Variants in SLC24A2 observed in about 807,000 individuals in gnomAD.
The protein encoded by SLC24A2 is sodium/potassium/calcium exchanger 2.
SLC24A2 carries 36 observed loss-of-function variants against 62.0 expected under a neutral mutation model. That is an observed-to-expected ratio of 0.58 (90% CI 0.44 to 0.77). The LOEUF is 0.77. Among genes scored for constraint, SLC24A2 ranks in the 30% least tolerant of loss-of-function variants. The pLI, the probability that SLC24A2 is intolerant of heterozygous loss-of-function variation, is 0.00. For missense variants in SLC24A2, 846 were observed against 817.9 expected (o/e 1.03, Z -0.42); for synonymous variants, 358 against 294.0 (o/e 1.22, Z -2.23).
At chr9:19,518,160 TATCTCTAATA>T (rs1412342299) in intron 10 of SLC24A2, among the ~76,000 whole-genome samples, 1 of 152,128 alleles carries the variant, frequency 6.6e-6, no homozygotes, top group East Asian at 1.9e-4. Context: ...AAAAGCTGAG[TATCTCTAATA>T]ATCTCTAATA....
intron 8 of SLC24A2, among the ~76,000 whole-genome samples, chr9:19,541,789 G>C (rs1253488025): frequency 6.7e-6 from 1 of 148,962 alleles, no homozygotes; most frequent in Non-Finnish European, 1.5e-5. Flanking sequence ...GCAATGGCGG[G>C]CGCCCCTCCC....
At chr9:19,824,104 A>T in the SLC24A2 span, among the ~76,000 whole-genome samples, 1 of 152,222 alleles carries the variant, frequency 6.6e-6, no homozygotes, top group East Asian at 1.9e-4. Flanking sequence ...TTCAGGACAT[A>T]GGCACGGACA....
At chr9:20,030,108 T>C in the SLC24A2 span, among the ~76,000 whole-genome samples, 2 of 152,160 alleles carry the variant, frequency 1.3e-5, no homozygotes, top group South Asian at 4.1e-4. Flanking sequence ...GAGCAGCATA[T>C]GCAAAGGCAT....
At chr9:20,197,063 G>A in the SLC24A2 span, among the ~76,000 whole-genome samples, 1 of 152,126 alleles carries the variant, frequency 6.6e-6, no homozygotes, top group Non-Finnish European at 1.5e-5. Context: ...GGATTAGGTT[G>A]TCTCTGTTTT....
chr9:19,780,597 A>G (rs1347997221), intron 2 of SLC24A2, among the ~76,000 whole-genome samples: 4 of 151,746 alleles, frequency 2.6e-5, no homozygotes, highest in Non-Finnish European at 5.9e-5. Context: ...GCAAGCATCA[A>G]GATAATAGAA....
intron 4 of SLC24A2, among the ~76,000 whole-genome samples, chr9:19,613,370 G>A (rs1170936870): frequency 1.3e-5 from 2 of 152,214 alleles, no homozygotes; most frequent in South Asian, 4.1e-4. Context: ...AGAAGCTTTA[G>A]AAGCAGTTCA....
the SLC24A2 span, among the ~76,000 whole-genome samples, chr9:20,271,597 C>T: frequency 3.3e-5 from 5 of 152,150 alleles, no homozygotes; most frequent in Non-Finnish European, 5.9e-5. Context: ...TGATATCAGA[C>T]GTGTTTCTGC....
intron 2 of SLC24A2, among the ~76,000 whole-genome samples, chr9:19,724,128 C>T (rs919592721): frequency 2.0e-5 from 3 of 152,120 alleles, no homozygotes; most frequent in Non-Finnish European, 2.9e-5. Flanking sequence ...ATTTGTTCCA[C>T]CTGGGACAGA....
the SLC24A2 span, among the ~76,000 whole-genome samples, chr9:20,180,188 C>G: frequency 3.3e-5 from 5 of 152,214 alleles, no homozygotes; most frequent in Admixed American, 6.5e-5. Flanking sequence ...CTTAACTCCT[C>G]TATGATTTCT....
At chr9:19,566,597 C>A (rs921147392) in intron 7 of SLC24A2, among the ~76,000 whole-genome samples, 4 of 152,120 alleles carry the variant, frequency 2.6e-5, no homozygotes, top group African/African-American at 9.7e-5. Context: ...TTTGACCCAG[C>A]CATCCCATTA....
intron 8 of SLC24A2, among the ~76,000 whole-genome samples, chr9:19,535,458 T>A (rs1282386015): frequency 6.6e-6 from 1 of 152,154 alleles, no homozygotes; most frequent in African/African-American, 2.4e-5. Context: ...ATTGCCTAGG[T>A]TTTCTTCTAG....
chr9:19,567,856 C>T (rs775806128), intron 7 of SLC24A2, among the ~76,000 whole-genome samples: 70 of 152,080 alleles, frequency 4.6e-4, no homozygotes, highest in Non-Finnish European at 8.8e-4. Flanking sequence ...ACAGAATATA[C>T]AAATGAAGCA....
intron 2 of SLC24A2, among the ~76,000 whole-genome samples, chr9:19,636,944 A>G (rs2118045432): frequency 6.6e-6 from 1 of 152,330 alleles, no homozygotes; most frequent in Non-Finnish European, 1.5e-5. Context: ...TACCCTTTGG[A>G]AGCTGGAAAA....
At chr9:19,739,883 G>C (rs893633515) in intron 2 of SLC24A2, among the ~76,000 whole-genome samples, 4 of 152,172 alleles carry the variant, frequency 2.6e-5, no homozygotes, top group Admixed American at 2.6e-4. Flanking sequence ...AGGCAAGTTA[G>C]ACTGGGAGAA....
chr9:19,534,113 C>A (rs573047604), intron 8 of SLC24A2, among the ~76,000 whole-genome samples: 2 of 152,198 alleles, frequency 1.3e-5, no homozygotes, highest in African/African-American at 4.8e-5. Flanking sequence ...GGAAAAAATT[C>A]GGTCCAGAGT....
At chr9:19,545,974 G>T (rs923419561) in intron 8 of SLC24A2, among the ~76,000 whole-genome samples, 9 of 152,346 alleles carry the variant, frequency 5.9e-5, no homozygotes, top group African/African-American at 1.7e-4. Flanking sequence ...CTGCAGGTCT[G>T]TTGGAGTTTG....
At chr9:19,611,438 T>G (rs1471857813) in intron 4 of SLC24A2, among the ~76,000 whole-genome samples, 74 of 120,374 alleles carry the variant, frequency 6.1e-4, no homozygotes, top group South Asian at 8.4e-4. Context: ...GAAGGAGGGG[T>G]GAGAGAAGAG....
At chr9:19,568,416 C>G (rs1435791654) in intron 7 of SLC24A2, among the ~76,000 whole-genome samples, 1 of 152,208 alleles carries the variant, frequency 6.6e-6, no homozygotes, top group Non-Finnish European at 1.5e-5. Flanking sequence ...CATACATGGT[C>G]TACCAATAGA....
the SLC24A2 span, among the ~76,000 whole-genome samples, chr9:20,198,564 G>A: frequency 9.9e-5 from 15 of 152,180 alleles, no homozygotes; most frequent in South Asian, 3.1e-3. Flanking sequence ...AAGCCAGCTG[G>A]CGGACAAAGG....
Sources: gnomAD v4.1 joint callset for allele counts (sites outside exome capture counted in the v4.1 genomes callset) on GRCh38, gnomAD v4.1.1 for gene constraint, MANE v1.5 for transcripts, NCBI Gene and HGNC (gene_info 2026-07-23, HGNC 2026-07-21) for gene names.